Variants in PCDHA6 observed in about 807,000 individuals in gnomAD.
PCDHA6 encodes the protein protocadherin alpha 6.
In PCDHA6, 55 loss-of-function variants were observed where a neutral mutation model predicts 60.3. The observed-to-expected ratio is 0.91, with a 90% CI of 0.73 to 1.14. The LOEUF (loss-of-function observed/expected upper bound fraction) is 1.14. PCDHA6 is among the 50% of genes most tolerant of loss of function. PCDHA6 has a pLI of 0.00. For missense variants in PCDHA6, 1,327 were observed against 1,256.5 expected, an observed-to-expected ratio of 1.06 and a Z score of -0.85; for synonymous variants, 652 against 557.9, an observed-to-expected ratio of 1.17 and a Z score of -2.38.
At chr5:140,845,938 G>T (rs1554141077) in intron 1 of PCDHA6, among the ~76,000 whole-genome samples, 1 of 149,608 alleles carries the variant, frequency 6.7e-6, no homozygotes, top group South Asian at 2.1e-4. Flanking sequence ...ACTATCTTCT[G>T]TAAAGTCATT....
At chr5:140,975,365 A>G (rs186836387) in intron 1 of PCDHA6, among the ~76,000 whole-genome samples, 5 of 152,370 alleles carry the variant, frequency 3.3e-5, no homozygotes, top group Admixed American at 2.0e-4. Context: ...GCTACATAGC[A>G]TAATGTAATC....
intron 3 of PCDHA6, among the ~76,000 whole-genome samples, chr5:140,985,577 G>GC (rs1195077647): frequency 6.6e-6 from 1 of 152,116 alleles, no homozygotes; most frequent in Non-Finnish European, 1.5e-5. Flanking sequence ...TGGTGCCTAA[G>GC]CCTCCTTATA....
intron 1 of PCDHA6, chr5:140,871,159 G>A (rs781816033): frequency 1.2e-6 from 2 of 1,613,450 alleles, no homozygotes; most frequent in African/African-American, 1.3e-5. Flanking sequence ...GGCGGGCGCC[G>A]CGAGCCCAGA....
chr5:140,856,991 T>TA lies in PCDHA6; in HGVS notation c.2394+26507dup, dbSNP rs781903903. ...TATTGACTTTGAGGACAGTAACACT[T>TA]ATGAAATTCATGTAGATGTTACAGA... On this transcript the variant is annotated intron_variant, in intron 1 of 3. Transcript: ENST00000529310. 5.6e-6 allele frequency: 9 copies of TA among 1,595,654 alleles called. No homozygotes were observed. The East Asian group carries it at 1.8e-4, about 32-fold the overall frequency.
intron 1 of PCDHA6, among the ~76,000 whole-genome samples, chr5:140,911,873 A>G (rs980533422): frequency 7.2e-5 from 11 of 152,038 alleles, no homozygotes; most frequent in African/African-American, 2.7e-4. Flanking sequence ...TTCTGGAACC[A>G]CTCCTGGGAC....
At chr5:140,931,471 G>GA (rs1215090719) in intron 1 of PCDHA6, among the ~76,000 whole-genome samples, 9 of 151,796 alleles carry the variant, frequency 5.9e-5, no homozygotes, top group Non-Finnish European at 1.0e-4. Context: ...AATGACAGAG[G>GA]AAAAAACAAC....
At chr5:140,877,443 C>A (rs376417721) in intron 1 of PCDHA6, 2 of 1,613,726 alleles carry the variant, frequency 1.2e-6, no homozygotes, top group African/African-American at 2.7e-5. Flanking sequence ...ACGGTGAGCC[C>A]GCGCTGACGT....
Position 140,836,203 on chromosome 5 carries a change from T to G in PCDHA6, c.2394+5718T>G, listed in dbSNP as rs2150255288. The G allele has an allele frequency of 4.3e-6, 7 of 1,613,840 alleles. 1 individual carries two copies. The highest frequency in any genetic ancestry group is 1.7e-5 in the Admixed American group (1 of 60,022). On this transcript the variant is annotated intron_variant, in intron 1 of 3. Coordinates refer to ENST00000529310, the MANE Select transcript of PCDHA6 (RefSeq NM_018909.4). Reference sequence around the variant, plus strand: ...GCTGACTCAGGCTACAACGCGTGGCTTTCGTATGAGTTGCAACCGGTGGCG... The same window carrying G: ...GCTGACTCAGGCTACAACGCGTGGCGTTCGTATGAGTTGCAACCGGTGGCG...
At chr5:140,976,470 G>A (rs1388811059) in intron 1 of PCDHA6, among the ~76,000 whole-genome samples, 3 of 152,116 alleles carry the variant, frequency 2.0e-5, no homozygotes, top group Non-Finnish European at 4.4e-5. Context: ...AGAATTGCTT[G>A]AATCCGGGAG....
At chr5:140,882,592 G>T in intron 1 of PCDHA6, 1 of 1,614,272 alleles carries the variant, frequency 6.2e-7, no homozygotes, top group Non-Finnish European at 8.5e-7. Context: ...ACCTGGAGGT[G>T]ATCGTGGACA....
chr5:140,847,454 A>C (rs1187460467), intron 1 of PCDHA6: 1 of 149,898 alleles, frequency 6.7e-6, no homozygotes, highest in Non-Finnish European at 1.5e-5. Flanking sequence ...ATCTAGATTT[A>C]ATTAATCGAC....
rs1781057747 is a variant in PCDHA6 at position 140,847,527 on chromosome 5, G to T, written c.2394+17042G>T. On this transcript the variant is annotated intron_variant, in intron 1 of 3. Transcript: ENST00000529310. ...ACTTTGTAGAACTTAGTCAGGAAAA[G>T]AATCTCAAGCATAGCTTTAAAAACA... 2.0e-5 allele frequency: 3 copies of T among 149,526 alleles called. No homozygotes were observed. In the Admixed American group the frequency reaches 2.0e-4, roughly 10 times the overall value. The allele number at this position is 149,526 out of a possible 1,614,324, so 9.3% of individuals were successfully genotyped here.
At chr5:140,846,948 CA>C (rs1554141582) in intron 1 of PCDHA6, among the ~76,000 whole-genome samples, 1 of 149,468 alleles carries the variant, frequency 6.7e-6, no homozygotes, top group East Asian at 1.9e-4. Flanking sequence ...CTTGAAGGGG[CA>C]TGGTGTGTTT....
chr5:140,952,546 C>T (rs1449369285), intron 1 of PCDHA6, among the ~76,000 whole-genome samples: 1 of 152,108 alleles, frequency 6.6e-6, no homozygotes, highest in African/African-American at 2.4e-5. Flanking sequence ...CTTCTTTGTC[C>T]ATTTCACTAT....
intron 1 of PCDHA6, chr5:140,848,966 G>C (rs2150427042): frequency 1.9e-5 from 31 of 1,605,602 alleles, no homozygotes; most frequent in Non-Finnish European, 2.6e-5. Flanking sequence ...TAGAGGGCGC[G>C]TCCGATGCAG....
rs782577579 is a variant in PCDHA6, at chr5:140,978,981, T to G, written c.2427T>G (p.Ser809=). The G allele has an allele frequency of 1.4e-5, 22 of 1,614,096 alleles. No individual in the cohort carries two copies. Among genetic ancestry groups the G allele is most frequent in the Non-Finnish European group, 1.8e-5 (21 of 1,180,040 alleles). The change falls in exon 2 of 4, where the codon TCT becomes TCG. Residue 809 remains serine (S), a synonymous_variant. Transcript: ENST00000529310. ...PRQPNPDWRY[S]ASLRAGMHSS... ...AGCCCAACCCTGACTGGCGTTACTC[T>G]GCCTCCCTGAGAGCAGGCATGCACA... is the stretch of plus-strand genomic sequence containing the variant.
chr5:140,955,639 C>T (rs2095212239), intron 1 of PCDHA6, among the ~76,000 whole-genome samples: 1 of 152,088 alleles, frequency 6.6e-6, no homozygotes, highest in African/African-American at 2.4e-5. Flanking sequence ...AGTGTGAGAA[C>T]AAATTAATAC....
chr5:140,877,306 C>G (rs1554169576), intron 1 of PCDHA6: 1 of 1,613,826 alleles, frequency 6.2e-7, no homozygotes, highest in African/African-American at 1.3e-5. Context: ...CTACGAGTTG[C>G]AACCGGCGGC....
intron 1 of PCDHA6, chr5:140,851,314 C>G (rs1276562311): frequency 1.0e-6 from 1 of 997,874 alleles, no homozygotes; most frequent in Non-Finnish European, 1.2e-6. Context: ...CAATTGTTAC[C>G]TTGTTAAGTT....
Sources: allele counts gnomAD v4.1 joint callset (sites outside exome capture counted in the v4.1 genomes callset), GRCh38; gene constraint gnomAD v4.1.1; transcripts MANE v1.5; gene names NCBI Gene and HGNC (gene_info 2026-07-23, HGNC 2026-07-21).